AGBL4: variants seen among roughly 807,000 people sequenced by gnomAD.
The protein encoded by AGBL4 is AGBL carboxypeptidase 4, also known as cytosolic carboxypeptidase 6.
A neutral mutation model predicts 66.4 loss-of-function variants in AGBL4; 58 were observed. The ratio of observed to expected loss-of-function variants is 0.87; its 90% CI spans 0.71 to 1.09. AGBL4 has a LOEUF of 1.09. Ranked by LOEUF, AGBL4 falls within the 50% of genes least tolerant of loss-of-function variation. The pLI is 0.00. For missense variants in AGBL4, 579 were observed against 631.0 expected (o/e 0.92, Z 0.88); for synonymous variants, 234 against 222.9 (o/e 1.05, Z -0.44).
chr1:48,867,831 GAAT>G (rs896575050), intron 5 of AGBL4, among the ~76,000 whole-genome samples: 2 of 152,148 alleles, frequency 1.3e-5, no homozygotes, highest in Non-Finnish European at 2.9e-5. Flanking sequence ...TATTCACACA[GAAT>G]AATATTTGTC....
chr1:49,556,392 G>C (rs1643897935), intron 3 of AGBL4, among the ~76,000 whole-genome samples: 2 of 151,900 alleles, frequency 1.3e-5, no homozygotes, highest in Non-Finnish European at 2.9e-5. Context: ...TGGGGGAAGG[G>C]GGCAGGAATA....
At position 49,647,135 on chromosome 1, in the gene AGBL4, G is replaced by GT. The variant is rs1645905677; in HGVS notation, c.282+50177dup. Among the ~76,000 whole-genome samples, 4 of 151,860 alleles carry GT rather than the reference G, an allele frequency of 2.6e-5. No individual in the cohort carries two copies. In the South Asian group the frequency reaches 8.3e-4, roughly 32 times the overall value. On this transcript the variant is annotated intron_variant, in intron 3 of 13. Coordinates refer to ENST00000371839, the MANE Select transcript of AGBL4 (RefSeq NM_032785.4). ...GCTAGACAAAAATTTCTTAGCTATG[G>GT]TAACAAAAATCATCATCCATAAAAA...
intron 3 of AGBL4, among the ~76,000 whole-genome samples, chr1:49,625,948 C>A (rs1480171733): frequency 1.3e-5 from 2 of 152,064 alleles, no homozygotes; most frequent in South Asian, 4.2e-4. Context: ...TAGGAAGCAG[C>A]AAAATCAGGG....
At chr1:49,313,187 C>G (rs1485909231) in intron 3 of AGBL4, among the ~76,000 whole-genome samples, 3 of 152,088 alleles carry the variant, frequency 2.0e-5, no homozygotes, top group South Asian at 2.1e-4. Flanking sequence ...ATCCATGTCC[C>G]TGCAAAGGAC....
rs181386637 is a variant in AGBL4, at chr1:48,720,459, T to A, written c.635-57218A>T. 4.0e-3 allele frequency among the ~76,000 whole-genome samples: 610 copies of A among 152,172 alleles called. 4 individuals are homozygous for A. Among genetic ancestry groups the A allele is most frequent in the Non-Finnish European group, 6.7e-3 (455 of 68,004 alleles). On this transcript the variant is annotated intron_variant, in intron 6 of 13. Coordinates refer to ENST00000371839, the MANE Select transcript of AGBL4 (RefSeq NM_032785.4). Reference sequence around the variant, plus strand: ...ATCATTAAGACACCAGACATTGGAGTCACACAGGCTTAGATGCCAGTTCAG... The same window carrying A: ...ATCATTAAGACACCAGACATTGGAGACACACAGGCTTAGATGCCAGTTCAG...
intron 6 of AGBL4, among the ~76,000 whole-genome samples, chr1:48,866,179 A>G (rs548656689): frequency 5.0e-4 from 76 of 152,290 alleles, no homozygotes; most frequent in African/African-American, 1.8e-3. Flanking sequence ...TACAGAGGGC[A>G]ATATCTCAGT....
chr1:49,499,529 C>A (rs376285386), intron 3 of AGBL4, among the ~76,000 whole-genome samples: 1 of 151,690 alleles, frequency 6.6e-6, no homozygotes, highest in South Asian at 2.1e-4. Context: ...AGCCTCCCCC[C>A]AAGTCCCCAG....
chr1:49,453,351 ACAG>A (rs1465507913), intron 3 of AGBL4, among the ~76,000 whole-genome samples: 1 of 151,870 alleles, frequency 6.6e-6, no homozygotes, highest in African/African-American at 2.4e-5. Flanking sequence ...TCTTTCACAG[ACAG>A]CAGATGTACC....
intron 6 of AGBL4, among the ~76,000 whole-genome samples, chr1:48,829,990 C>A (rs1646513306): frequency 6.6e-6 from 1 of 151,954 alleles, no homozygotes; most frequent in Admixed American, 6.6e-5. Context: ...CACCAGGAGG[C>A]CTAGAGACTC....
At chr1:49,972,611 C>T (rs1034135649) in intron 1 of AGBL4, among the ~76,000 whole-genome samples, 1 of 152,230 alleles carries the variant, frequency 6.6e-6, no homozygotes, top group Non-Finnish European at 1.5e-5. Flanking sequence ...CATCTCACAC[C>T]ATCACAAGAA....
intron 3 of AGBL4, among the ~76,000 whole-genome samples, chr1:49,328,913 C>A (rs985416448): frequency 1.6e-4 from 25 of 152,272 alleles, no homozygotes; most frequent in Admixed American, 7.2e-4. Flanking sequence ...CTATAATAAT[C>A]ATATTAAAAA....
intron 1 of AGBL4, among the ~76,000 whole-genome samples, chr1:49,898,975 A>C (rs1055045919): frequency 6.6e-6 from 1 of 152,158 alleles, no homozygotes; most frequent in Non-Finnish European, 1.5e-5. Flanking sequence ...AGAGGCTACA[A>C]AGAGTAGTGT....
chr1:48,535,579 C>T (rs1027448630), intron 12 of AGBL4, among the ~76,000 whole-genome samples: 10 of 152,180 alleles, frequency 6.6e-5, no homozygotes, highest in African/African-American at 2.4e-4. Flanking sequence ...ATATCATTTA[C>T]TCTAAACGTT....
intron 3 of AGBL4, among the ~76,000 whole-genome samples, chr1:49,300,573 T>C (rs1644727005): frequency 1.3e-5 from 2 of 152,156 alleles, no homozygotes; most frequent in South Asian, 4.1e-4. Flanking sequence ...TCAGTATGCT[T>C]ATACAGGGGC....
intron 4 of AGBL4, among the ~76,000 whole-genome samples, chr1:49,143,050 C>T (rs949152909): frequency 1.3e-5 from 2 of 152,086 alleles, no homozygotes; most frequent in South Asian, 2.1e-4. Flanking sequence ...ATACATTAAA[C>T]GGGAAATGTT....
intron 4 of AGBL4, among the ~76,000 whole-genome samples, chr1:49,241,562 C>T (rs11205613): frequency 0.56 from 84,604 of 151,768 alleles, 24,260 homozygotes; most frequent in Middle Eastern, 0.64. Context: ...ACTAGAGCTA[C>T]ATATTTAATG....
chr1:48,979,915 C>T (rs1355544254), intron 5 of AGBL4, among the ~76,000 whole-genome samples: 1 of 152,058 alleles, frequency 6.6e-6, no homozygotes, highest in Non-Finnish European at 1.5e-5. Flanking sequence ...GGTAACAATG[C>T]TTAACATGAG....
chr1:48,715,299 A>G (rs1461499060), intron 6 of AGBL4, among the ~76,000 whole-genome samples: 1 of 152,188 alleles, frequency 6.6e-6, no homozygotes, highest in East Asian at 1.9e-4. Context: ...AGGAGAACCA[A>G]CCAGTCCTTC....
chr1:49,430,175 C>T (rs1645755435), intron 3 of AGBL4, among the ~76,000 whole-genome samples: 1 of 151,958 alleles, frequency 6.6e-6, no homozygotes, highest in Non-Finnish European at 1.5e-5. Context: ...TCCTTGTTCA[C>T]CTCAGATACT....
Sources: allele counts gnomAD v4.1 joint callset (sites outside exome capture counted in the v4.1 genomes callset), GRCh38; gene constraint gnomAD v4.1.1; transcripts MANE v1.5; gene names NCBI Gene and HGNC (gene_info 2026-07-23, HGNC 2026-07-21).